HMGA2: variants seen among roughly 807,000 people sequenced by gnomAD.
HMGA2 encodes high mobility group AT-hook 2.
A neutral mutation model predicts 19.1 loss-of-function variants in HMGA2; 8 were observed. The ratio of observed to expected loss-of-function variants is 0.42; its 90% confidence interval spans 0.25 to 0.76. The LOEUF is 0.76. HMGA2 is among the 30% of genes least tolerant of loss of function. The pLI is 0.28. For synonymous variants in HMGA2, 60 were observed against 48.8 expected, an observed-to-expected ratio of 1.23 and a Z score of -0.96; for missense variants, 109 against 136.3, an observed-to-expected ratio of 0.80 and a Z score of 1.00.
At chr12:65,891,371 G>A (rs2121138954) in intron 3 of HMGA2, among the ~76,000 whole-genome samples, 1 of 152,222 alleles carries the variant, frequency 6.6e-6, no homozygotes, top group Non-Finnish European at 1.5e-5. Context: ...AACTTTGAGT[G>A]GTTCCATCAG....
At chr12:65,880,325 A>G (rs746935255) in intron 3 of HMGA2, among the ~76,000 whole-genome samples, 1 of 152,220 alleles carries the variant, frequency 6.6e-6, no homozygotes, top group Non-Finnish European at 1.5e-5. Flanking sequence ...TCCCAAGAAG[A>G]GCAAGAAAAC....
At chr12:65,924,018 C>G (rs574721635) in intron 3 of HMGA2, among the ~76,000 whole-genome samples, 2 of 151,876 alleles carry the variant, frequency 1.3e-5, no homozygotes, top group African/African-American at 4.8e-5. Flanking sequence ...CTCAAAAAAA[C>G]AAAACAAAAC....
chr12:65,948,499 G>A (rs1876343623), intron 3 of HMGA2: 1 of 152,132 alleles, frequency 6.6e-6, no homozygotes, highest in Non-Finnish European at 1.5e-5. Context: ...TTTATGAATG[G>A]TGGTAGTATT....
chr12:65,829,112 C>T (rs911535600), intron 2 of HMGA2: 169 of 152,038 alleles, frequency 1.1e-3, no homozygotes, highest in African/African-American at 3.7e-3. Context: ...ATATGCTCAT[C>T]GTTTGGGGAT....
chr12:65,949,048 T>C (rs1007679520), intron 3 of HMGA2, among the ~76,000 whole-genome samples: 28 of 152,292 alleles, frequency 1.8e-4, no homozygotes, highest in African/African-American at 6.5e-4. Flanking sequence ...TGCTCTCTTC[T>C]TCCAAATGAC....
chr12:65,925,825 C>T lies in HMGA2; in HGVS notation c.250-25558C>T, dbSNP rs146060169. 1.5e-3 allele frequency among the ~76,000 whole-genome samples: 222 copies of T among 152,066 alleles called. 2 individuals are homozygous for T. The highest frequency in any genetic ancestry group is 5.3e-3 in the African/African-American group (218 of 41,492). ...TGACACGTGAATGTGTGTGTGCCCT[C>T]ACATAAGTTCTTACATAGCAGAAGG... On this transcript the variant is annotated intron_variant, in intron 3 of 4. Transcript: ENST00000403681.
chr12:65,955,345 T>C (rs1876576232), intron 4 of HMGA2: 1 of 152,180 alleles, frequency 6.6e-6, no homozygotes, highest in African/African-American at 2.4e-5. Context: ...ATTATTATTA[T>C]TATTAGAGGG....
chr12:65,841,773 A>T (rs925213009), intron 3 of HMGA2, among the ~76,000 whole-genome samples: 14 of 152,152 alleles, frequency 9.2e-5, no homozygotes, highest in African/African-American at 3.4e-4. Flanking sequence ...TTGTTCCAGT[A>T]GATATTATAG....
intron 3 of HMGA2, among the ~76,000 whole-genome samples, chr12:65,865,832 C>G (rs539556711): frequency 6.6e-6 from 1 of 150,466 alleles, no homozygotes; most frequent in African/African-American, 2.4e-5. Flanking sequence ...TTAGTAGAAA[C>G]GGGGTTTCAT....
intron 4 of HMGA2, chr12:65,957,990 T>G (rs1353540158): frequency 6.6e-6 from 1 of 151,010 alleles, no homozygotes; most frequent in Non-Finnish European, 1.5e-5. Context: ...ATAGTCTTAC[T>G]GGATTTTTAC....
At chr12:65,958,669 G>A (rs966437019) in intron 4 of HMGA2, 3 of 152,110 alleles carry the variant, frequency 2.0e-5, no homozygotes, top group African/African-American at 7.2e-5. Flanking sequence ...TCCTAAATGT[G>A]TCATTCTGAG....
chr12:65,933,325 A>G (rs1374096566), intron 3 of HMGA2, among the ~76,000 whole-genome samples: 1 of 152,138 alleles, frequency 6.6e-6, no homozygotes, highest in Non-Finnish European at 1.5e-5. Flanking sequence ...ACTCCATGAA[A>G]GTTTGTTTTT....
At chr12:65,841,954 T>G (rs1333102822) in intron 3 of HMGA2, among the ~76,000 whole-genome samples, 2 of 152,180 alleles carry the variant, frequency 1.3e-5, no homozygotes, top group African/African-American at 4.8e-5. Flanking sequence ...TAGATTTGCT[T>G]AAGAACACTT....
At chr12:65,858,520 G>C (rs1267575984) in intron 3 of HMGA2, 2 of 152,008 alleles carry the variant, frequency 1.3e-5, no homozygotes, top group Non-Finnish European at 2.9e-5. Flanking sequence ...ATGAAGTGTT[G>C]CAAGAAATGA....
intron 3 of HMGA2, 81 bp downstream of exon 3, chr12:65,838,650 C>T (rs2120873391): frequency 6.0e-6 from 6 of 997,430 alleles, no homozygotes; most frequent in Non-Finnish European, 7.7e-6. Context: ...TTTATTTCGT[C>T]GATTACATGA....
At chr12:65,908,935 C>T (rs1032408783) in intron 3 of HMGA2, among the ~76,000 whole-genome samples, 2 of 152,184 alleles carry the variant, frequency 1.3e-5, no homozygotes, top group East Asian at 1.9e-4. Context: ...CTACCATCAT[C>T]TTAAAAAGGC....
intron 3 of HMGA2, among the ~76,000 whole-genome samples, chr12:65,841,078 T>C (rs1870975206): frequency 6.6e-6 from 1 of 152,196 alleles, no homozygotes; most frequent in African/African-American, 2.4e-5. Context: ...TACAGTTTTC[T>C]TTCTCACCAC....
chr12:65,943,140 T>G (rs1876146591), intron 3 of HMGA2, among the ~76,000 whole-genome samples: 1 of 152,234 alleles, frequency 6.6e-6, no homozygotes, highest in Non-Finnish European at 1.5e-5. Flanking sequence ...CCCATTAGAC[T>G]CTAGGCTTCT....
chr12:65,898,232 G>C (rs189774848), intron 3 of HMGA2, among the ~76,000 whole-genome samples: 2 of 152,116 alleles, frequency 1.3e-5, no homozygotes, highest in Non-Finnish European at 2.9e-5. Flanking sequence ...GCTGTAAGTC[G>C]GATGGGAAAA....
Sources: allele counts gnomAD v4.1 joint callset (sites outside exome capture counted in the v4.1 genomes callset), GRCh38; gene constraint gnomAD v4.1.1; transcripts MANE v1.5; gene names NCBI Gene and HGNC (gene_info 2026-07-23, HGNC 2026-07-21).